Variants in KLF12 observed in about 807,000 individuals in gnomAD.
KLF12 encodes the protein KLF transcription factor 12, also known as Krueppel-like factor 12.
A neutral mutation model predicts 37.8 loss-of-function variants in KLF12; 9 were observed. The observed-to-expected ratio is 0.24, with a 90% CI of 0.14 to 0.42. The LOEUF (loss-of-function observed/expected upper bound fraction) is 0.42, where lower values mean the gene tolerates loss of function less well. KLF12 is among the 10% of genes least tolerant of loss of function. The pLI, the probability that KLF12 is intolerant of heterozygous loss-of-function variation, is 1.00. For synonymous variants in KLF12, 208 were observed against 202.1 expected (o/e 1.03, Z -0.25); for missense variants, 411 against 516.0 (o/e 0.80, Z 1.97).
At chr13:74,180,207 T>C in the KLF12 span, among the ~76,000 whole-genome samples, 2 of 152,370 alleles carry the variant, frequency 1.3e-5, no homozygotes, top group Non-Finnish European at 2.9e-5. Context: ...TTTAGTGTTC[T>C]TGATTAGACA....
chr13:73,987,329 T>A (rs1330910430), intron 2 of KLF12, among the ~76,000 whole-genome samples: 1 of 152,120 alleles, frequency 6.6e-6, no homozygotes, highest in Non-Finnish European at 1.5e-5. Flanking sequence ...TAAAACTATA[T>A]AGATATTATA....
At chr13:74,030,348 A>G (rs2138478698) in intron 1 of KLF12, among the ~76,000 whole-genome samples, 1 of 152,070 alleles carries the variant, frequency 6.6e-6, no homozygotes, top group Middle Eastern at 3.4e-3. Context: ...AGGAGCACAC[A>G]CTCTGCCCAA....
the KLF12 span, among the ~76,000 whole-genome samples, chr13:74,162,277 C>T: frequency 4.6e-5 from 7 of 152,210 alleles, no homozygotes; most frequent in Non-Finnish European, 1.0e-4. Context: ...TGCCTACTGT[C>T]CTCCTCCTCA....
chr13:74,002,306 A>C (rs1157718809), intron 1 of KLF12, among the ~76,000 whole-genome samples: 1 of 152,248 alleles, frequency 6.6e-6, no homozygotes, highest in African/African-American at 2.4e-5. Flanking sequence ...TCATTACTAC[A>C]TAATCCCAGA....
intron 1 of KLF12, among the ~76,000 whole-genome samples, chr13:74,091,688 A>G (rs897002506): frequency 1.6e-5 from 2 of 127,166 alleles, no homozygotes; most frequent in Non-Finnish European, 3.6e-5. Flanking sequence ...GGAAGAGCAC[A>G]GGGGATTTTA....
chr13:73,700,650 G>A (rs1240340005), intron 7 of KLF12, among the ~76,000 whole-genome samples: 2 of 152,000 alleles, frequency 1.3e-5, no homozygotes, highest in African/African-American at 4.8e-5. Flanking sequence ...GGGGGTAGGG[G>A]AAGAGAAGAT....
chr13:73,813,537 G>A (rs1883055370), intron 4 of KLF12, among the ~76,000 whole-genome samples: 1 of 152,028 alleles, frequency 6.6e-6, no homozygotes, highest in Non-Finnish European at 1.5e-5. Flanking sequence ...TAGAAACTAC[G>A]AAATCCACAA....
chr13:73,949,360 G>T (rs906253749), intron 2 of KLF12, among the ~76,000 whole-genome samples: 1 of 152,184 alleles, frequency 6.6e-6, no homozygotes, highest in Non-Finnish European at 1.5e-5. Flanking sequence ...TGAAACTTGT[G>T]GTCACTGGTG....
At chr13:73,937,619 G>A (rs553895410) in intron 3 of KLF12, among the ~76,000 whole-genome samples, 2 of 152,134 alleles carry the variant, frequency 1.3e-5, no homozygotes, top group African/African-American at 4.8e-5. Flanking sequence ...GTGGGTGGCA[G>A]GAGAATTAAG....
chr13:73,939,985 T>A (rs1343797867), intron 3 of KLF12, among the ~76,000 whole-genome samples: 2 of 152,144 alleles, frequency 1.3e-5, no homozygotes, highest in African/African-American at 4.8e-5. Flanking sequence ...CCCCACTGTA[T>A]GGATGAGGGC....
chr13:73,961,674 T>C (rs1053868449), intron 2 of KLF12, among the ~76,000 whole-genome samples: 1 of 152,140 alleles, frequency 6.6e-6, no homozygotes, highest in African/African-American at 2.4e-5. Flanking sequence ...AAGGAGTGTG[T>C]GTTATAATGA....
At chr13:74,262,463 T>C in the KLF12 span, among the ~76,000 whole-genome samples, 1 of 152,222 alleles carries the variant, frequency 6.6e-6, no homozygotes, top group Non-Finnish European at 1.5e-5. Context: ...TACCAAAATC[T>C]GAGGATGCTC....
chr13:74,020,628 C>T (rs1395839862), intron 1 of KLF12, among the ~76,000 whole-genome samples: 1 of 152,082 alleles, frequency 6.6e-6, no homozygotes, highest in South Asian at 2.1e-4. Flanking sequence ...CAGTGGCTCA[C>T]GTCTGTAATC....
intron 5 of KLF12, among the ~76,000 whole-genome samples, chr13:73,766,906 A>T (rs1450137705): frequency 6.6e-6 from 1 of 152,128 alleles, no homozygotes; most frequent in East Asian, 1.9e-4. Flanking sequence ...TGATCCATAG[A>T]TCAAATACTG....
At chr13:74,016,325 T>C (rs889261914) in intron 1 of KLF12, among the ~76,000 whole-genome samples, 1 of 152,138 alleles carries the variant, frequency 6.6e-6, no homozygotes, top group African/African-American at 2.4e-5. Context: ...ATGTGAAGAA[T>C]AAAAACAATA....
At chr13:73,726,388 C>T (rs73529537) in intron 6 of KLF12, among the ~76,000 whole-genome samples, 23,496 of 152,148 alleles carry the variant, frequency 0.15, 3,028 homozygotes, top group African/African-American at 0.35. Context: ...CTATCTGACT[C>T]CAAAACATTT....
intron 2 of KLF12, among the ~76,000 whole-genome samples, chr13:73,944,737 C>G (rs1317124202): frequency 1.3e-5 from 2 of 150,692 alleles, no homozygotes. Context: ...AAAAGAAAAT[C>G]TTATCTATAT....
At chr13:73,981,394 A>G (rs1374571522) in intron 2 of KLF12, among the ~76,000 whole-genome samples, 2 of 152,204 alleles carry the variant, frequency 1.3e-5, no homozygotes, top group Non-Finnish European at 1.5e-5. Context: ...TGGATAAATT[A>G]TGGTGTAGTC....
At chr13:74,137,203 T>G (rs1878587531), upstream of KLF12, among the ~76,000 whole-genome samples, 1 of 152,244 alleles carries the variant, frequency 6.6e-6, no homozygotes, top group African/African-American at 2.4e-5. Flanking sequence ...CCTCTGTGTT[T>G]GCAGAGATGT....
Sources: allele counts gnomAD v4.1 joint callset (sites outside exome capture counted in the v4.1 genomes callset), GRCh38; gene constraint gnomAD v4.1.1; transcripts MANE v1.5; gene names NCBI Gene and HGNC (gene_info 2026-07-23, HGNC 2026-07-21).